Variants in IMMP2L observed in about 807,000 individuals in gnomAD.
IMMP2L encodes inner mitochondrial membrane peptidase subunit 2, also known as mitochondrial inner membrane protease subunit 2.
In IMMP2L, 18 loss-of-function variants were observed where a neutral mutation model predicts 19.3. That is an observed-to-expected ratio of 0.93 (90% confidence interval 0.64 to 1.38). IMMP2L has a LOEUF of 1.38. Ranked by LOEUF, IMMP2L falls within the 40% of genes most tolerant of loss-of-function variation. The pLI is 0.00. For missense variants in IMMP2L, 233 were observed against 218.2 expected, an observed-to-expected ratio of 1.07 and a Z score of -0.43; for synonymous variants, 76 against 73.0, an observed-to-expected ratio of 1.04 and a Z score of -0.21.
At chr7:111,182,099 TG>T (rs1459125811) in intron 3 of IMMP2L, among the ~76,000 whole-genome samples, 1 of 151,978 alleles carries the variant, frequency 6.6e-6, no homozygotes, top group Non-Finnish European at 1.5e-5. Context: ...AATAAGTCCA[TG>T]GAATTGATAC....
Position 110,894,529 on chromosome 7 carries a change from A to T in IMMP2L, c.306-7834T>A, listed in dbSNP as rs567131297. Among the ~76,000 whole-genome samples, 17 of 152,290 alleles carry T rather than the reference A, an allele frequency of 1.1e-4. No individual in the cohort carries two copies. In the South Asian group the frequency reaches 3.5e-3, roughly 32 times the overall value. On this transcript the variant is annotated intron_variant, in intron 4 of 5. Transcript: ENST00000405709. ...ATTTGCACATCTTCTTTGGTGAATT[A>T]TCTATTCAACTTTTAAAAATTAAAT...
At chr7:110,966,083 T>C (rs929650603) in intron 3 of IMMP2L, among the ~76,000 whole-genome samples, 1 of 151,964 alleles carries the variant, frequency 6.6e-6, no homozygotes, top group African/African-American at 2.4e-5. Context: ...CATGATAAAA[T>C]ACAGTCATTA....
At chr7:110,950,860 A>G (rs28663343) in intron 4 of IMMP2L, among the ~76,000 whole-genome samples, 32 of 138,768 alleles carry the variant, frequency 2.3e-4, no homozygotes, top group African/African-American at 9.2e-4. Flanking sequence ...ATATATATAT[A>G]TATATATATA....
chr7:111,131,867 C>T (rs1331567654), intron 3 of IMMP2L, among the ~76,000 whole-genome samples: 1 of 151,292 alleles, frequency 6.6e-6, no homozygotes, highest in Non-Finnish European at 1.5e-5. Context: ...AAAATAATAA[C>T]ATAGAGCAAA....
chr7:111,555,808 T>G (rs1791226192), intron 1 of IMMP2L, among the ~76,000 whole-genome samples: 1 of 151,658 alleles, frequency 6.6e-6, no homozygotes, highest in Admixed American at 6.6e-5. Context: ...GTTGGACAGT[T>G]AGGTTGTTTC....
chr7:111,435,752 A>G (rs1218132581), intron 3 of IMMP2L, among the ~76,000 whole-genome samples: 1 of 151,894 alleles, frequency 6.6e-6, no homozygotes, highest in African/African-American at 2.4e-5. Flanking sequence ...GCTACAAATT[A>G]TAGAAGCAGC....
intron 5 of IMMP2L, among the ~76,000 whole-genome samples, chr7:110,750,894 T>A (rs7783134): frequency 0.32 from 48,087 of 151,828 alleles, 8,684 homozygotes; most frequent in African/African-American, 0.5. Flanking sequence ...ATTTTTAAAA[T>A]CAAAAAGCAG....
rs192486765 is a variant in IMMP2L at position 111,358,100 on chromosome 7, G to C, written c.239+129138C>G. On this transcript the variant is annotated intron_variant, in intron 3 of 5. Transcript: ENST00000405709. ...TTCAGAGTACATAATCATTTGGCTT[G>C]TTTTTGCTATACCCTCTGGGTGCCT... Among the ~76,000 whole-genome samples, 3 of 150,730 alleles carry C rather than the reference G, an allele frequency of 2.0e-5. No homozygotes were observed. The East Asian group carries it at 5.9e-4, about 30-fold the overall frequency.
intron 3 of IMMP2L, among the ~76,000 whole-genome samples, chr7:111,116,132 T>C (rs1368501596): frequency 3.3e-5 from 5 of 152,238 alleles, no homozygotes; most frequent in Admixed American, 6.5e-5. Context: ...AAGTTACTAC[T>C]GGTTTCTCTG....
intron 4 of IMMP2L, among the ~76,000 whole-genome samples, chr7:110,960,313 A>T (rs1818799403): frequency 6.6e-6 from 1 of 151,942 alleles, no homozygotes; most frequent in South Asian, 2.1e-4. Flanking sequence ...GGACATTTTC[A>T]TACTCCCCCA....
rs114419793 is a variant in IMMP2L at position 110,807,983 on chromosome 7, G to A, written c.408+78610C>T. 3.8e-3 allele frequency among the ~76,000 whole-genome samples: 583 copies of A among 152,020 alleles called. 1 individual carries two copies. Among genetic ancestry groups the A allele is most frequent in the African/African-American group, 0.013 (551 of 41,512 alleles). ...ACAGCCTGAAGGTTTTTAAGAAAAA[G>A]TTACAAATGAGTTTGCTAAAATATT... On this transcript the variant is annotated intron_variant, in intron 5 of 5. Transcript: ENST00000405709.
chr7:110,704,157 T>C (rs138618852), intron 5 of IMMP2L, among the ~76,000 whole-genome samples: 1,676 of 152,252 alleles, frequency 0.011, 32 homozygotes, highest in African/African-American at 0.039. Context: ...ACTTACCAAA[T>C]TCCTAATATT....
At chr7:110,829,651 T>G (rs1238043979) in intron 5 of IMMP2L, among the ~76,000 whole-genome samples, 1 of 152,180 alleles carries the variant, frequency 6.6e-6, no homozygotes, top group Non-Finnish European at 1.5e-5. Flanking sequence ...TTCAAAGTAC[T>G]AAATGGCATG....
At chr7:111,141,276 C>G (rs546526802) in intron 3 of IMMP2L, among the ~76,000 whole-genome samples, 1 of 151,806 alleles carries the variant, frequency 6.6e-6, no homozygotes, top group South Asian at 2.1e-4. Context: ...AATAATACTA[C>G]AAAGAATGTG....
chr7:111,212,526 AC>A (rs901151743), intron 3 of IMMP2L, among the ~76,000 whole-genome samples: 2 of 151,838 alleles, frequency 1.3e-5, no homozygotes, highest in African/African-American at 4.8e-5. Flanking sequence ...TGACAGAATC[AC>A]TTAGGCCAGG....
intron 5 of IMMP2L, among the ~76,000 whole-genome samples, chr7:110,814,352 A>C (rs1802286248): frequency 6.6e-6 from 1 of 151,820 alleles, no homozygotes; most frequent in African/African-American, 2.4e-5. Context: ...TATTATGACT[A>C]AACAATAGCT....
intron 3 of IMMP2L, among the ~76,000 whole-genome samples, chr7:111,370,102 G>A (rs527793146): frequency 3.3e-5 from 5 of 151,986 alleles, no homozygotes; most frequent in East Asian, 3.9e-4. Context: ...CTTCATTGTC[G>A]GTCAGATCTG....
Position 111,380,199 on chromosome 7 carries a change from T to G in IMMP2L, c.239+107039A>C, listed in dbSNP as rs149313545. Among the ~76,000 whole-genome samples, 58 of 152,114 alleles carry G rather than the reference T, an allele frequency of 3.8e-4. No homozygotes were observed. The East Asian group carries it at 0.011, about 28-fold the overall frequency. On this transcript the variant is annotated intron_variant, in intron 3 of 5. Coordinates refer to ENST00000405709, the MANE Select transcript of IMMP2L (RefSeq NM_032549.4). Reference sequence around the variant, plus strand: ...ACCATCCAATGGTATATTTATTAGTTGTCATATGAAGGCCCCGCCATGAGA... The same window carrying G: ...ACCATCCAATGGTATATTTATTAGTGGTCATATGAAGGCCCCGCCATGAGA...
intron 5 of IMMP2L, among the ~76,000 whole-genome samples, chr7:110,707,004 A>AAT (rs369690184): frequency 5.2e-5 from 6 of 114,292 alleles, no homozygotes; most frequent in South Asian, 6.1e-4. Context: ...TTTTTTTTTA[A>AAT]TTTTTTTTTT....
Sources: gnomAD v4.1 joint callset for allele counts (sites outside exome capture counted in the v4.1 genomes callset) on GRCh38, gnomAD v4.1.1 for gene constraint, MANE v1.5 for transcripts, NCBI Gene and HGNC (gene_info 2026-07-23, HGNC 2026-07-21) for gene names.